Variants in CMTM4 observed in about 807,000 individuals in gnomAD.
The protein encoded by CMTM4 is CKLF-like MARVEL transmembrane domain-containing protein 4.
CMTM4 carries 8 observed loss-of-function variants against 19.0 expected under a neutral mutation model. The observed-to-expected ratio is 0.42, with a 90% confidence interval of 0.25 to 0.76. CMTM4 has a LOEUF of 0.76. Among genes scored for constraint, CMTM4 ranks in the 30% least tolerant of loss-of-function variants. The pLI, the probability that CMTM4 is intolerant of heterozygous loss-of-function variation, is 0.27. For missense variants in CMTM4, 228 were observed against 290.2 expected (o/e 0.79, Z 1.56); for synonymous variants, 106 against 121.1 (o/e 0.88, Z 0.82).
chr16:66,651,863 T>C (rs2016317169), intron 1 of CMTM4, among the ~76,000 whole-genome samples: 1 of 152,162 alleles, frequency 6.6e-6, no homozygotes, highest in Non-Finnish European at 1.5e-5. Context: ...CTTAAGACAA[T>C]CGAGCAATGA....
intron 1 of CMTM4, among the ~76,000 whole-genome samples, chr16:66,674,545 T>C (rs769527812): frequency 7.2e-5 from 11 of 151,960 alleles, no homozygotes; most frequent in Non-Finnish European, 1.3e-4. Flanking sequence ...TGATGGTAAC[T>C]TAGGTTCTCA....
chr16:66,632,808 C>G (rs1181090469), intron 2 of CMTM4, among the ~76,000 whole-genome samples: 1 of 152,110 alleles, frequency 6.6e-6, no homozygotes, highest in African/African-American at 2.4e-5. Flanking sequence ...TATCGCCAGG[C>G]ACGGTGGGTC....
At chr16:66,684,592 C>G (rs1278886316) in intron 1 of CMTM4, among the ~76,000 whole-genome samples, 1 of 152,172 alleles carries the variant, frequency 6.6e-6, no homozygotes, top group Non-Finnish European at 1.5e-5. Context: ...ACGAGAGGCA[C>G]TGCAATGAAG....
intron 1 of CMTM4, among the ~76,000 whole-genome samples, chr16:66,667,391 T>C (rs2016617010): frequency 6.6e-6 from 1 of 151,934 alleles, no homozygotes; most frequent in Non-Finnish European, 1.5e-5. Context: ...AACGTGAAGG[T>C]TTTATAAAGC....
chr16:66,618,872 A>T lies in CMTM4; in HGVS notation c.*3186T>A. ...GCCAGGGGACAGTAACAGGGCCCGA[A>T]GGGCTGGGGGTGCCGCTGGCTTCCC... On this transcript the variant is annotated 3_prime_UTR_variant, in exon 4 of 4. Coordinates refer to ENST00000394106, the MANE Select transcript of CMTM4 (RefSeq NM_181521.3). 7 of 985,530 alleles carry T rather than the reference A, an allele frequency of 7.1e-6. No individual in the cohort carries two copies. The highest frequency in any genetic ancestry group is 8.4e-6 in the Non-Finnish European group (7 of 829,980). 61.0% of individuals were successfully genotyped at this position (985,530 alleles called of 1,614,324 possible).
intron 1 of CMTM4, among the ~76,000 whole-genome samples, chr16:66,674,985 C>A (rs1184817647): frequency 6.6e-6 from 1 of 151,840 alleles, no homozygotes. Context: ...TCAGGTGATC[C>A]ACCCGCCTCG....
chr16:66,673,308 A>G (rs2016748047), intron 1 of CMTM4, among the ~76,000 whole-genome samples: 1 of 151,030 alleles, frequency 6.6e-6, no homozygotes, highest in Admixed American at 6.6e-5. Context: ...CCTAAGCTCA[A>G]GCAATCCTCC....
intron 1 of CMTM4, among the ~76,000 whole-genome samples, chr16:66,694,527 A>G (rs1470458894): frequency 4.0e-5 from 6 of 151,892 alleles, no homozygotes; most frequent in Admixed American, 3.9e-4. Flanking sequence ...GGCCAGGCCA[A>G]CACAGCAAAA....
At chr16:66,667,183 GGT>G (rs2016611509) in intron 1 of CMTM4, among the ~76,000 whole-genome samples, 1 of 151,938 alleles carries the variant, frequency 6.6e-6, no homozygotes, top group African/African-American at 2.4e-5. Context: ...AAATTTGCTG[GGT>G]GTGGTGACAC....
chr16:66,653,645 T>C (rs1047584333), intron 1 of CMTM4, among the ~76,000 whole-genome samples: 1 of 152,226 alleles, frequency 6.6e-6, no homozygotes, highest in Non-Finnish European at 1.5e-5. Context: ...CCTTCTACTA[T>C]GAGTCAAATA....
chr16:66,602,877 G>A, the CMTM4 span, among the ~76,000 whole-genome samples: 9 of 152,262 alleles, frequency 5.9e-5, no homozygotes, highest in Non-Finnish European at 1.2e-4. Context: ...AGTACTTCCC[G>A]TTCACTCAGT....
chr16:66,666,606 G>A (rs1004189771), intron 1 of CMTM4, among the ~76,000 whole-genome samples: 1 of 152,130 alleles, frequency 6.6e-6, no homozygotes, highest in African/African-American at 2.4e-5. Flanking sequence ...AAAATTACTT[G>A]AACAGGTTCT....
intron 1 of CMTM4, among the ~76,000 whole-genome samples, chr16:66,680,500 C>T (rs1453743309): frequency 6.8e-6 from 1 of 146,218 alleles, no homozygotes; most frequent in Non-Finnish European, 1.5e-5. Context: ...AAAGGTCGGG[C>T]ATGGTGGCTC....
At chr16:66,679,988 G>A (rs1218446607) in intron 1 of CMTM4, among the ~76,000 whole-genome samples, 1 of 152,160 alleles carries the variant, frequency 6.6e-6, no homozygotes, top group Non-Finnish European at 1.5e-5. Context: ...ATAGGCTTCT[G>A]TTTCTGCATC....
rs374765156 is a variant in CMTM4 at position 66,645,694 on chromosome 16, C to G, written c.187-9113G>C. ...CACTGTGTGTCGTATTAAAAAGTAA[C>G]CAGGCCGGCTGTGGTGGCTCACGCC... is the stretch of plus-strand genomic sequence containing the variant. On this transcript the variant is annotated intron_variant, in intron 1 of 3. Coordinates refer to ENST00000394106, the MANE Select transcript of CMTM4 (RefSeq NM_181521.3). 3.3e-5 allele frequency among the ~76,000 whole-genome samples: 5 copies of G among 151,976 alleles called. No individual in the cohort carries two copies. In the East Asian group the frequency reaches 9.7e-4, roughly 30 times the overall value.
intron 2 of CMTM4, among the ~76,000 whole-genome samples, chr16:66,629,675 A>C (rs1044893876): frequency 6.6e-6 from 1 of 152,180 alleles, no homozygotes; most frequent in Admixed American, 6.5e-5. Context: ...GGGGCAGGTC[A>C]CCAGAAAAAC....
intron 2 of CMTM4, among the ~76,000 whole-genome samples, chr16:66,627,369 T>C (rs747139072): frequency 6.6e-6 from 1 of 152,254 alleles, no homozygotes; most frequent in African/African-American, 2.4e-5. Flanking sequence ...GAGAACAGTT[T>C]AGAAGGATTT....
intron 1 of CMTM4, among the ~76,000 whole-genome samples, chr16:66,693,699 C>T (rs926890847): frequency 1.3e-5 from 2 of 152,094 alleles, no homozygotes; most frequent in African/African-American, 2.4e-5. Context: ...ATTCTGGGGG[C>T]TAGGCCCAAA....
rs777720274 is a variant in CMTM4, at chr16:66,636,579, G to A, written c.189C>T (p.Ile63=). The stretch of plus-strand genomic sequence containing the variant: ...TGCAGATGAATGCAATCAGGGCCAA[G>A]ATCTAGGAAGAAAATTGGAAACATA... The part of the protein sequence containing the change: ...ALGRLKVAQV[I]LALIAFICIE... Residue 63 remains isoleucine, a splice_region_variant and synonymous_variant, in exon 2 of 4, where the codon ATC becomes ATT. Transcript: ENST00000394106. 4 of 1,613,522 alleles carry A rather than the reference G, an allele frequency of 2.5e-6. No individual in the cohort carries two copies. Among genetic ancestry groups the A allele is most frequent in the South Asian group, 1.1e-5 (1 of 91,060 alleles).
Sources: allele counts gnomAD v4.1 joint callset (sites outside exome capture counted in the v4.1 genomes callset), GRCh38; gene constraint gnomAD v4.1.1; transcripts MANE v1.5; gene names NCBI Gene and HGNC (gene_info 2026-07-23, HGNC 2026-07-21).